ZC3H7B: variants seen among roughly 807,000 people sequenced by gnomAD.
ZC3H7B encodes the protein zinc finger CCCH domain-containing protein 7B.
ZC3H7B carries 35 observed loss-of-function variants against 116.0 expected under a neutral mutation model. The ratio of observed to expected loss-of-function variants is 0.30; its 90% CI spans 0.23 to 0.40. ZC3H7B has a LOEUF of 0.40. ZC3H7B is among the 10% of genes least tolerant of loss of function. The pLI, the probability that ZC3H7B is intolerant of heterozygous loss-of-function variation, is 1.00. For missense variants in ZC3H7B, 1,011 were observed against 1,321.5 expected (o/e 0.77, Z 3.64); for synonymous variants, 502 against 545.6 (o/e 0.92, Z 1.11).
At chr22:41,328,340 T>C (rs555012162) in intron 5 of ZC3H7B, among the ~76,000 whole-genome samples, 10 of 152,316 alleles carry the variant, frequency 6.6e-5, no homozygotes, top group African/African-American at 2.4e-4. Flanking sequence ...GGCTCCTGGC[T>C]CTGCTTTAGG....
intron 7 of ZC3H7B, 170 bp downstream of exon 7, chr22:41,332,397 G>T (rs1349238204): frequency 5.1e-6 from 4 of 790,518 alleles, no homozygotes; most frequent in Non-Finnish European, 6.2e-6. Flanking sequence ...CATGGCTGCT[G>T]TTGGCAGGGA....
intron 1 of ZC3H7B, among the ~76,000 whole-genome samples, chr22:41,313,381 G>T (rs1417639085): frequency 6.6e-6 from 1 of 152,092 alleles, no homozygotes; most frequent in Non-Finnish European, 1.5e-5. Flanking sequence ...CAAAGTGTTG[G>T]AATTACAGGC....
At position 41,351,505 on chromosome 22, in the gene ZC3H7B, C is replaced by T; in HGVS notation, c.1949-56C>T. On this transcript the variant is annotated intron_variant, in intron 16 of 22. Coordinates refer to ENST00000352645, the MANE Select transcript of ZC3H7B (RefSeq NM_017590.6). The surrounding 1 kb of genome is among the most constrained non-coding windows in gnomAD (Gnocchi z 5.1). ...CCCTGGCACCTCGTGGACCCCCTGC[C>T]TCCCTCCTTGCTGAGCACCTTGAAA... 1.3e-6 allele frequency: 2 copies of T among 1,538,876 alleles called. No individual in the cohort carries two copies. Among genetic ancestry groups the T allele is most frequent in the Non-Finnish European group, 1.8e-6 (2 of 1,131,740 alleles).
rs778182208 is a variant in ZC3H7B at position 41,357,386 on chromosome 22, C to T, written c.2891C>T (p.Pro964Leu). 3.1e-6 allele frequency: 5 copies of T among 1,613,182 alleles called. No individual in the cohort carries two copies. In the South Asian group the frequency reaches 3.3e-5, roughly 11 times the overall value. The change falls in exon 23 of 23, where the codon CCA (proline) becomes CTA (leucine). Residue 964 changes from proline to leucine, a missense_variant. Physicochemically the swap from Pro to Leu is moderately conservative, Grantham distance 98 (BLOSUM62 -3). This residue lies in a region of ZC3H7B where 406 missense variants were observed against 590.2 expected (regional missense o/e 0.69). Transcript: ENST00000352645. The surrounding 1 kb of genome is among the most constrained non-coding windows in gnomAD (Gnocchi z 5.4). ...GACGGGGACCTTGCCGGTGCCACCC[C>T]AGAAGCCCCTGCTGCTGCTGCCACC... Reference protein sequence around the residue: ...QEDGDLAGATPEAPAAAATAT... With the variant: ...QEDGDLAGATLEAPAAAATAT...
intron 6 of ZC3H7B, among the ~76,000 whole-genome samples, chr22:41,330,995 G>C (rs1364804672): frequency 5.6e-5 from 8 of 142,832 alleles, no homozygotes; most frequent in Admixed American, 4.2e-4. Flanking sequence ...CGGCCTCTCC[G>C]AGTAGCTGGG....
At chr22:41,326,612 T>TTCC (rs1166847950) in intron 4 of ZC3H7B, among the ~76,000 whole-genome samples, 3 of 151,968 alleles carry the variant, frequency 2.0e-5, no homozygotes, top group South Asian at 2.1e-4. Context: ...CTTCAGTGCC[T>TTCC]TCCTCCTCCT....
At chr22:41,331,974 T>C (rs1033636591) in intron 6 of ZC3H7B, among the ~76,000 whole-genome samples, 197 bp from the exon 7 acceptor site, 1 of 151,720 alleles carries the variant, frequency 6.6e-6, no homozygotes, top group Non-Finnish European at 1.5e-5. Context: ...CAGGTCAAGG[T>C]TGGAAGAAGA....
intron 1 of ZC3H7B, among the ~76,000 whole-genome samples, chr22:41,311,882 C>A (rs2036122522): frequency 1.3e-5 from 2 of 151,964 alleles, no homozygotes; most frequent in Non-Finnish European, 2.9e-5. Flanking sequence ...GGAGGCATCT[C>A]CATGACAATA....
At chr22:41,334,176 A>G (rs1464995210) in intron 7 of ZC3H7B, 3 of 152,246 alleles carry the variant, frequency 2.0e-5, no homozygotes, top group Admixed American at 6.5e-5. Flanking sequence ...CATTAATTCT[A>G]TTCATTTATT....
chr22:41,329,810 AG>A (rs1364702116), intron 5 of ZC3H7B, among the ~76,000 whole-genome samples: 1 of 152,246 alleles, frequency 6.6e-6, no homozygotes, highest in East Asian at 1.9e-4. Flanking sequence ...CCCAAATAAA[AG>A]GAAAAACAGA....
intron 1 of ZC3H7B, among the ~76,000 whole-genome samples, chr22:41,303,288 T>C (rs1392316196): frequency 6.6e-6 from 1 of 152,174 alleles, no homozygotes; most frequent in African/African-American, 2.4e-5. Flanking sequence ...AGAGAGACTT[T>C]GTTGTCCCTG....
chr22:41,344,683 A>G (rs758011337), intron 13 of ZC3H7B, among the ~76,000 whole-genome samples: 1 of 152,208 alleles, frequency 6.6e-6, no homozygotes, highest in Non-Finnish European at 1.5e-5. Context: ...AGATGGGACA[A>G]GGCAGACTTA....
chr22:41,346,011 A>G lies in ZC3H7B; in HGVS notation c.1468A>G (p.Asn490Asp). The G allele has an allele frequency of 1.2e-6, 2 of 1,614,062 alleles. No homozygotes were observed. The highest frequency in any genetic ancestry group is 1.7e-6 in the Non-Finnish European group (2 of 1,180,000). Residue 490 changes from asparagine (N) to aspartate (D), a missense_variant, in exon 14 of 23, where the codon AAC (asparagine) becomes GAC (aspartate). By Grantham distance (23) the Asn-to-Asp change is conservative. Transcript: ENST00000352645. The surrounding 1 kb of genome is among the most constrained non-coding windows in gnomAD (Gnocchi z 5.3). ...CTGTTGCCTCTTTGCAGACATGATT[A>G]ACAAGCAGGACTGTAAGTACGGGGA... Reference protein sequence around the residue: ...GSYYLCKDMINKQDCKYGDNC... With the variant: ...GSYYLCKDMIDKQDCKYGDNC...
At chr22:41,356,156 AC>A in intron 20 of ZC3H7B, 94 bp downstream of exon 20, 1 of 1,434,874 alleles carries the variant, frequency 7.0e-7, no homozygotes, top group Non-Finnish European at 9.4e-7. Context: ...CGTCCACTGC[AC>A]CCCTTTGCTA....
chr22:41,348,783 G>A (rs1180976957), intron 15 of ZC3H7B, among the ~76,000 whole-genome samples: 1 of 152,208 alleles, frequency 6.6e-6, no homozygotes, highest in African/African-American at 2.4e-5. Context: ...AAGACTCCTG[G>A]CCCAGAGGAC....
chr22:41,319,131 G>A (rs1043420513), intron 1 of ZC3H7B, among the ~76,000 whole-genome samples: 6 of 152,202 alleles, frequency 3.9e-5, no homozygotes, highest in African/African-American at 1.2e-4. Flanking sequence ...GCTGGGCACA[G>A]TGGCTCACGC....
Position 41,351,753 on chromosome 22 carries a change from A to G in ZC3H7B, c.2034+107A>G. The G allele has an allele frequency of 1.9e-6, 2 of 1,042,236 alleles. No homozygotes were observed. The highest frequency in any genetic ancestry group is 3.1e-5 in the South Asian group (2 of 65,178). The allele number at this position is 1,042,236 out of a possible 1,614,324, so 64.6% of individuals were successfully genotyped here. A position where few individuals can be genotyped will look rare whatever the true frequency, so the allele number is the denominator to read the frequency against. On this transcript the variant is annotated intron_variant, in intron 17 of 22. Coordinates refer to ENST00000352645, the MANE Select transcript of ZC3H7B (RefSeq NM_017590.6). The surrounding 1 kb of genome is among the most constrained non-coding windows in gnomAD (Gnocchi z 5.1). ...ATAGAGAAATGTTTACAATGGAGGC[A>G]CCTCGAATAAGTTATGAAAGTAACT...
At position 41,346,217 on chromosome 22, in the gene ZC3H7B, C is replaced by A; in HGVS notation, c.1665+9C>A. On this transcript the variant is annotated intron_variant, in intron 14 of 22. Coordinates refer to ENST00000352645, the MANE Select transcript of ZC3H7B (RefSeq NM_017590.6). This position sits in a 1 kb window ranked among gnomAD's most constrained non-coding sequence, Gnocchi z 5.3. ...TCACCTTCCTCTGCGAGGTACTGCC[C>A]ACCCACCCACTGCCACCCCATAGGC... 1 of 1,607,390 alleles carries A rather than the reference C, an allele frequency of 6.2e-7. No individual in the cohort carries two copies. The highest frequency in any genetic ancestry group is 8.5e-7 in the Non-Finnish European group (1 of 1,179,604).
At position 41,327,857 on chromosome 22, in the gene ZC3H7B, C is replaced by T. The variant is rs1029557619; in HGVS notation, c.444+493C>T. ...ACCCTTTCTTGGCCAGACACAGTGG[C>T]TCATGCCTGTAATCCCAGCACTGTG... On this transcript the variant is annotated intron_variant, in intron 5 of 22. Coordinates refer to ENST00000352645, the MANE Select transcript of ZC3H7B (RefSeq NM_017590.6). This position sits in a 1 kb window ranked among gnomAD's most constrained non-coding sequence, Gnocchi z 4.5. 6.6e-6 allele frequency among the ~76,000 whole-genome samples: 1 copy of T among 152,226 alleles called. No individual in the cohort carries two copies. The highest frequency in any genetic ancestry group is 2.4e-5 in the African/African-American group (1 of 41,464).
Sources: gnomAD v4.1 joint callset for allele counts (sites outside exome capture counted in the v4.1 genomes callset) on GRCh38, gnomAD v4.1.1 for gene constraint, gnomAD v4.1.1 regional missense constraint, Gnocchi (gnomAD v3.1) non-coding constraint, MANE v1.5 for transcripts, NCBI Gene and HGNC (gene_info 2026-07-23, HGNC 2026-07-21) for gene names.